SLC8A1: variants seen among roughly 807,000 people sequenced by gnomAD.
The protein encoded by SLC8A1 is sodium/calcium exchanger 1.
Under a neutral mutation model 68.3 loss-of-function variants are expected in SLC8A1, and 18 were observed. That is an observed-to-expected ratio of 0.26 (90% CI 0.18 to 0.39). SLC8A1 has a LOEUF of 0.39. SLC8A1 is among the 10% of genes least tolerant of loss of function. The pLI, the probability that SLC8A1 is intolerant of heterozygous loss-of-function variation, is 1.00. For missense variants in SLC8A1, 985 were observed against 1,156.7 expected, an observed-to-expected ratio of 0.85 and a Z score of 2.15; for synonymous variants, 475 against 415.5, an observed-to-expected ratio of 1.14 and a Z score of -1.74.
chr2:40,507,405 A>G (rs1706442153), intron 1 of SLC8A1, among the ~76,000 whole-genome samples: 2 of 152,064 alleles, frequency 1.3e-5, no homozygotes, highest in African/African-American at 4.8e-5. Context: ...TAGTTCATAA[A>G]GAGCATTTAA....
At chr2:40,323,775 A>G (rs1013116744) in intron 2 of SLC8A1, among the ~76,000 whole-genome samples, 26 of 152,258 alleles carry the variant, frequency 1.7e-4, no homozygotes, top group African/African-American at 6.3e-4. Flanking sequence ...GCTGAGATTT[A>G]GAAATATTTT....
At chr2:40,246,008 A>T (rs1197067345) in intron 2 of SLC8A1, among the ~76,000 whole-genome samples, 1 of 152,256 alleles carries the variant, frequency 6.6e-6, no homozygotes, top group Admixed American at 6.5e-5. Flanking sequence ...GATGTTAATC[A>T]TTATGCCATA....
intron 1 of SLC8A1, among the ~76,000 whole-genome samples, chr2:40,433,360 T>C (rs1405167746): frequency 6.6e-6 from 1 of 152,184 alleles, no homozygotes; most frequent in Non-Finnish European, 1.5e-5. Context: ...ACTATTTTGC[T>C]TTTTCCTTCT....
At chr2:40,341,942 G>A (rs1667828494) in intron 2 of SLC8A1, among the ~76,000 whole-genome samples, 1 of 152,020 alleles carries the variant, frequency 6.6e-6, no homozygotes, top group Non-Finnish European at 1.5e-5. Flanking sequence ...TCCTGCTTAG[G>A]ATATTAAGAG....
chr2:40,237,993 C>T (rs1416548445), intron 2 of SLC8A1, among the ~76,000 whole-genome samples: 11 of 152,056 alleles, frequency 7.2e-5, no homozygotes, highest in Non-Finnish European at 1.5e-4. Context: ...CTGGGAGAAC[C>T]ACTGCTCTCT....
intron 2 of SLC8A1, among the ~76,000 whole-genome samples, chr2:40,232,814 G>T (rs1404061809): frequency 6.2e-5 from 8 of 128,982 alleles, no homozygotes; most frequent in African/African-American, 2.1e-4. Context: ...TGATCTCATT[G>T]TTCAATTCCC....
chr2:40,344,370 G>A (rs1182681928), intron 2 of SLC8A1, among the ~76,000 whole-genome samples: 2 of 152,052 alleles, frequency 1.3e-5, no homozygotes, highest in Non-Finnish European at 2.9e-5. Flanking sequence ...ATGCTTTGGA[G>A]GGAGAGATTT....
intron 1 of SLC8A1, among the ~76,000 whole-genome samples, chr2:40,445,068 C>G (rs1576542507): frequency 6.6e-6 from 1 of 152,258 alleles, no homozygotes; most frequent in Middle Eastern, 3.4e-3. Context: ...TGCTGAGCAC[C>G]CATGTGTCAG....
intron 2 of SLC8A1, among the ~76,000 whole-genome samples, chr2:40,291,777 A>G (rs2069372631): frequency 6.6e-6 from 1 of 152,132 alleles, no homozygotes; most frequent in Admixed American, 6.6e-5. Context: ...TGGATTTTTC[A>G]GTTAATATAA....
exon 8 of SLC8A1, chr2:40,100,957 G>A (rs1326137340): frequency 6.6e-6 from 1 of 152,072 alleles, no homozygotes; most frequent in East Asian, 1.9e-4. Context: ...TACATTTCCA[G>A]CCTCCTTTTA....
intron 2 of SLC8A1, among the ~76,000 whole-genome samples, chr2:40,301,597 G>T (rs1016482280): frequency 6.6e-6 from 1 of 152,156 alleles, no homozygotes; most frequent in African/African-American, 2.4e-5. Flanking sequence ...TGGAGGGAAG[G>T]GTGGGAGGGA....
intron 2 of SLC8A1, among the ~76,000 whole-genome samples, chr2:40,315,609 C>G (rs1319821696): frequency 6.6e-6 from 1 of 151,720 alleles, no homozygotes; most frequent in Admixed American, 6.6e-5. Context: ...AAATCATGAT[C>G]CCTGCTTGAA....
At chr2:40,296,867 G>T (rs1172813671) in intron 2 of SLC8A1, among the ~76,000 whole-genome samples, 4 of 152,094 alleles carry the variant, frequency 2.6e-5, no homozygotes, top group Non-Finnish European at 5.9e-5. Context: ...AGTTGACAAA[G>T]CATTGGATGC....
At chr2:40,265,125 G>T (rs2065196687) in intron 2 of SLC8A1, among the ~76,000 whole-genome samples, 1 of 152,160 alleles carries the variant, frequency 6.6e-6, no homozygotes, top group East Asian at 1.9e-4. Flanking sequence ...GTTTCAGAAG[G>T]CGGATTGTCC....
intron 2 of SLC8A1, among the ~76,000 whole-genome samples, chr2:40,298,144 A>G (rs1397602115): frequency 1.3e-5 from 2 of 152,106 alleles, no homozygotes; most frequent in African/African-American, 4.8e-5. Context: ...AGCCTCCCAA[A>G]GTGTTGGGAT....
intron 2 of SLC8A1, among the ~76,000 whole-genome samples, chr2:40,228,466 C>T (rs552132267): frequency 5.6e-4 from 86 of 152,274 alleles, no homozygotes; most frequent in African/African-American, 1.9e-3. Flanking sequence ...CAGCTGTCTA[C>T]GAAACAAATC....
chr2:40,236,029 C>T (rs1458271364), intron 2 of SLC8A1, among the ~76,000 whole-genome samples: 1 of 151,760 alleles, frequency 6.6e-6, no homozygotes, highest in Admixed American at 6.6e-5. Flanking sequence ...AGTATGTGGT[C>T]AATTTTGGAA....
chr2:40,135,240 C>G (rs540148927), intron 7 of SLC8A1, among the ~76,000 whole-genome samples: 2 of 152,166 alleles, frequency 1.3e-5, no homozygotes, highest in Non-Finnish European at 2.9e-5. Context: ...TAAGAAGTTA[C>G]TGGAAGACTA....
At chr2:40,482,476 C>G (rs1335961377) in intron 1 of SLC8A1, among the ~76,000 whole-genome samples, 3 of 152,150 alleles carry the variant, frequency 2.0e-5, no homozygotes, top group African/African-American at 7.2e-5. Context: ...TGAGAAGGAA[C>G]TCATGTCTTT....
Sources: gnomAD v4.1 joint callset for allele counts (sites outside exome capture counted in the v4.1 genomes callset) on GRCh38, gnomAD v4.1.1 for gene constraint, MANE v1.5 for transcripts, NCBI Gene and HGNC (gene_info 2026-07-23, HGNC 2026-07-21) for gene names.